ADAM7: variants seen among roughly 807,000 people sequenced by gnomAD.
The protein encoded by ADAM7 is ADAM metallopeptidase domain 7, also known as disintegrin and metalloproteinase domain-containing protein 7.
ADAM7 carries 97 observed loss-of-function variants against 102.9 expected under a neutral mutation model. That is an observed-to-expected ratio of 0.94 (90% CI 0.80 to 1.12). ADAM7 has a LOEUF of 1.12. Among genes scored for constraint, ADAM7 ranks in the 50% most tolerant of loss-of-function variants. The pLI, the probability that ADAM7 is intolerant of heterozygous loss-of-function variation, is 0.00. For missense variants in ADAM7, 991 were observed against 908.7 expected (o/e 1.09, Z -1.16); for synonymous variants, 334 against 304.4 (o/e 1.10, Z -1.01).
chr8:24,485,197 TG>T (rs1343065922), intron 9 of ADAM7, 79 bp from the exon 10 acceptor site: 1 of 1,271,258 alleles, frequency 7.9e-7, no homozygotes, highest in African/African-American at 1.5e-5. Flanking sequence ...TTGGCATTGC[TG>T]GGGTTCACTG....
At chr8:24,484,842 G>A (rs1365155770) in intron 9 of ADAM7, among the ~76,000 whole-genome samples, 6 of 122,392 alleles carry the variant, frequency 4.9e-5, no homozygotes, top group East Asian at 2.4e-4. Context: ...GTGGAGCCTC[G>A]CTCTGTGTCC....
chr8:24,499,319 A>C lies in ADAM7; in HGVS notation c.1923+3A>C. 7 of 1,592,108 alleles carry C rather than the reference A, an allele frequency of 4.4e-6. No individual in the cohort carries two copies. Among genetic ancestry groups the C allele is most frequent in the Non-Finnish European group, 6.0e-6 (7 of 1,168,202 alleles). On this transcript the variant is annotated splice_donor_region_variant and intron_variant, in intron 17 of 21. Transcript: ENST00000175238. Reference sequence around the variant, plus strand: ...CCTCTCAGTGCAATGAAAATCCTGTAAGATATGACTGCTTTCAAAATTAAT... The same window carrying C: ...CCTCTCAGTGCAATGAAAATCCTGTCAGATATGACTGCTTTCAAAATTAAT...
At chr8:24,451,485 C>T (rs551766581) in intron 3 of ADAM7, among the ~76,000 whole-genome samples, 28 of 152,228 alleles carry the variant, frequency 1.8e-4, no homozygotes, top group East Asian at 5.8e-4. Context: ...TCTTTGGGAT[C>T]GGTGGTGATA....
rs148035915 is a variant in ADAM7 at position 24,455,111 on chromosome 8, T to C, written c.233+7849T>C. On this transcript the variant is annotated intron_variant, in intron 3 of 21. Transcript: ENST00000175238. ...AAAATAATTATATTCTATTTACCTG[T>C]TGCATCTAGTTAATGTTCCCAAAAA... Among the ~76,000 whole-genome samples the C allele has an allele frequency of 2.6e-3, 396 of 152,300 alleles. 1 individual carries two copies. The highest frequency in any genetic ancestry group is 9.1e-3 in the African/African-American group (378 of 41,552).
chr8:24,464,045 C>A, intron 4 of ADAM7, 85 bp downstream of exon 4: 1 of 1,247,350 alleles, frequency 8.0e-7, no homozygotes, highest in Non-Finnish European at 1.2e-6. Flanking sequence ...GCTGTACAAG[C>A]TGTTTCAGAA....
At chr8:24,505,328 T>TG (rs1394647535) in intron 20 of ADAM7, among the ~76,000 whole-genome samples, 2 of 152,264 alleles carry the variant, frequency 1.3e-5, no homozygotes, top group Middle Eastern at 3.4e-3. Flanking sequence ...TTTGGTTTTT[T>TG]GGTTAAATGA....
intron 7 of ADAM7, among the ~76,000 whole-genome samples, chr8:24,473,275 T>C (rs764281752): frequency 3.3e-5 from 5 of 152,204 alleles, no homozygotes; most frequent in Non-Finnish European, 7.3e-5. Context: ...CACTGTGTAA[T>C]CAACTACTCA....
intron 8 of ADAM7, among the ~76,000 whole-genome samples, chr8:24,477,303 C>T (rs1375450719): frequency 6.6e-6 from 1 of 152,190 alleles, no homozygotes; most frequent in Non-Finnish European, 1.5e-5. Context: ...GCACGGCTCA[C>T]ACTTCAGTGG....
At chr8:24,506,044 G>C (rs1349477548) in intron 20 of ADAM7, 6 of 1,333,788 alleles carry the variant, frequency 4.5e-6, no homozygotes, top group Middle Eastern at 2.2e-4. Flanking sequence ...TTTCAGTATT[G>C]GTATATTTAC....
rs369075452 is a variant in ADAM7 at position 24,465,774 on chromosome 8, A to G, written c.388A>G (p.Arg130Gly). 1 of 1,590,530 alleles carries G rather than the reference A, an allele frequency of 6.3e-7. No homozygotes were observed. Among genetic ancestry groups the G allele is most frequent in the African/African-American group, 1.4e-5 (1 of 74,070 alleles). Reference sequence around the variant, plus strand: ...CAGTATCAGTACGTGTAATGGTCTAAGGTAATGCAGAATATCTTTCTTTTT... The same window carrying G: ...CAGTATCAGTACGTGTAATGGTCTAGGGTAATGCAGAATATCTTTCTTTTT... Reference protein sequence around the residue: ...AASISTCNGLRGFFRINDQRY... With the variant: ...AASISTCNGLGGFFRINDQRY... Residue 130 changes from arginine to glycine, a missense_variant and splice_region_variant, in exon 5 of 22, where the codon AGG becomes GGG. Arg to Gly is a moderately radical substitution (Grantham distance 125, BLOSUM62 -2). Transcript: ENST00000175238.
chr8:24,487,144 T>C, intron 10 of ADAM7, 43 bp from the exon 11 acceptor site: 1 of 1,597,266 alleles, frequency 6.3e-7, no homozygotes, highest in South Asian at 1.1e-5. Context: ...TACTACAGTA[T>C]GCTAACTTTT....
At chr8:24,479,035 T>TC (rs1243853341) in intron 8 of ADAM7, among the ~76,000 whole-genome samples, 1 of 152,152 alleles carries the variant, frequency 6.6e-6, no homozygotes, top group Non-Finnish European at 1.5e-5. Context: ...GGGGAGTTTT[T>TC]CTCCATATTT....
chr8:24,457,690 A>C (rs1046188059), intron 3 of ADAM7, among the ~76,000 whole-genome samples: 13 of 152,246 alleles, frequency 8.5e-5, no homozygotes, highest in African/African-American at 3.1e-4. Flanking sequence ...ATTTTAAATA[A>C]ATTTTAATTT....
intron 17 of ADAM7, 54 bp downstream of exon 17, chr8:24,499,370 A>G: frequency 7.1e-7 from 1 of 1,403,848 alleles, no homozygotes; most frequent in Non-Finnish European, 9.9e-7. Flanking sequence ...TATTTACTTT[A>G]TTCCCCAGCC....
At chr8:24,448,795 G>A (rs1328399704) in intron 3 of ADAM7, among the ~76,000 whole-genome samples, 1 of 151,900 alleles carries the variant, frequency 6.6e-6, no homozygotes, top group Non-Finnish European at 1.5e-5. Context: ...ATCTCCTAAT[G>A]CTATCCCTCC....
At chr8:24,495,306 G>C (rs541317272) in intron 16 of ADAM7, among the ~76,000 whole-genome samples, 1 of 152,014 alleles carries the variant, frequency 6.6e-6, no homozygotes, top group African/African-American at 2.4e-5. Context: ...CAACAACAAG[G>C]TGACACATAT....
chr8:24,445,693 T>C (rs1015061815), intron 2 of ADAM7, among the ~76,000 whole-genome samples: 1 of 152,228 alleles, frequency 6.6e-6, no homozygotes, highest in African/African-American at 2.4e-5. Flanking sequence ...TGCTATGGCA[T>C]GTTTCTGCCT....
chr8:24,474,376 A>G (rs1294592214), intron 7 of ADAM7, among the ~76,000 whole-genome samples: 4 of 152,144 alleles, frequency 2.6e-5, no homozygotes, highest in Non-Finnish European at 5.9e-5. Context: ...TTACTCATAT[A>G]CTAGGTGAAG....
chr8:24,488,324 A>G (rs906727621), intron 11 of ADAM7, among the ~76,000 whole-genome samples: 2 of 152,156 alleles, frequency 1.3e-5, no homozygotes, highest in African/African-American at 4.8e-5. Context: ...CCAAGCAGTC[A>G]GGTCCTAAGT....
Sources: gnomAD v4.1 joint callset for allele counts (sites outside exome capture counted in the v4.1 genomes callset) on GRCh38, gnomAD v4.1.1 for gene constraint, MANE v1.5 for transcripts, NCBI Gene and HGNC (gene_info 2026-07-23, HGNC 2026-07-21) for gene names.